Variants in NRXN3 observed in about 807,000 individuals in gnomAD.
NRXN3 encodes the protein neurexin 3.
Under a neutral mutation model 137.6 loss-of-function variants are expected in NRXN3, and 32 were observed. The ratio of observed to expected loss-of-function variants is 0.23; its 90% CI spans 0.18 to 0.31. The LOEUF is 0.31. NRXN3 is among the 10% of genes least tolerant of loss of function. NRXN3 has a pLI of 1.00. For synonymous variants in NRXN3, 798 were observed against 784.5 expected (o/e 1.02, Z -0.29); for missense variants, 1,574 against 2,062.5 (o/e 0.76, Z 4.59).
At chr14:79,188,932 G>A (rs1263107917) in intron 15 of NRXN3, among the ~76,000 whole-genome samples, 3 of 152,156 alleles carry the variant, frequency 2.0e-5, no homozygotes, top group African/African-American at 7.2e-5. Context: ...CTTTTACACT[G>A]TCGGTGGGAC....
At position 78,701,050 on chromosome 14, in the gene NRXN3, G is replaced by A. The variant is rs1189184153; in HGVS notation, c.1222-8167G>A. ...CTCCCAAAGTGTTGGGATTACAGGCGTGAGCCACTGCGCCCGGCCTGGAAA... is the reference window on the plus strand; with the variant it reads ...CTCCCAAAGTGTTGGGATTACAGGCATGAGCCACTGCGCCCGGCCTGGAAA... On this transcript the variant is annotated intron_variant, in intron 6 of 20. Coordinates refer to ENST00000335750, the MANE Select transcript of NRXN3 (RefSeq NM_001330195.2). Among the ~76,000 whole-genome samples the A allele has an allele frequency of 4.6e-5, 7 of 152,210 alleles. No homozygotes were observed. In the East Asian group the frequency reaches 1.2e-3, roughly 25 times the overall value.
intron 15 of NRXN3, among the ~76,000 whole-genome samples, chr14:79,261,646 G>GT (rs1201702364): frequency 2.7e-4 from 30 of 109,394 alleles, no homozygotes; most frequent in South Asian, 1.6e-3. Flanking sequence ...TGTGTGTGAT[G>GT]GGGTGGGGGC....
At chr14:79,414,574 T>C (rs1599928805) in intron 15 of NRXN3, among the ~76,000 whole-genome samples, 1 of 152,168 alleles carries the variant, frequency 6.6e-6, no homozygotes, top group Admixed American at 6.6e-5. Context: ...TACTGAGATA[T>C]AATTGACGAA....
intron 15 of NRXN3, among the ~76,000 whole-genome samples, chr14:79,129,063 T>C (rs973856347): frequency 2.0e-5 from 3 of 152,328 alleles, no homozygotes; most frequent in South Asian, 2.1e-4. Context: ...TTGATTCTTC[T>C]CTCTTTTTTT....
intron 4 of NRXN3, among the ~76,000 whole-genome samples, chr14:78,510,739 A>G (rs429118): frequency 0.016 from 2,360 of 152,242 alleles, 61 homozygotes; most frequent in African/African-American, 0.054. Context: ...GAAGACCTAT[A>G]AGGCTTGCTG....
chr14:78,214,177 G>A (rs1463250882), intron 1 of NRXN3, among the ~76,000 whole-genome samples: 1 of 152,118 alleles, frequency 6.6e-6, no homozygotes, highest in Admixed American at 6.6e-5. Flanking sequence ...TTTCCTCCCT[G>A]TCCCTGTTCC....
chr14:78,719,842 G>T, intron 8 of NRXN3, among the ~76,000 whole-genome samples: 1 of 151,686 alleles, frequency 6.6e-6, no homozygotes, highest in African/African-American at 2.4e-5. Flanking sequence ...TCCGTCTCAA[G>T]AAAAAGAAAA....
chr14:78,532,275 C>T (rs935092394), intron 4 of NRXN3, among the ~76,000 whole-genome samples: 8 of 150,476 alleles, frequency 5.3e-5, no homozygotes, highest in Admixed American at 2.0e-4. Context: ...GAGCCAAGAT[C>T]GCGCCATTGC....
At chr14:79,724,355 T>C (rs781763902) in intron 19 of NRXN3, among the ~76,000 whole-genome samples, 9 of 152,150 alleles carry the variant, frequency 5.9e-5, no homozygotes, top group African/African-American at 1.4e-4. Flanking sequence ...CAACATACTC[T>C]TTGTAACTAG....
intron 19 of NRXN3, among the ~76,000 whole-genome samples, chr14:79,787,859 C>T (rs1239454047): frequency 3.9e-5 from 6 of 151,942 alleles, no homozygotes; most frequent in Non-Finnish European, 7.4e-5. Flanking sequence ...TATTTATGTC[C>T]CTGATACCTC....
At chr14:79,048,152 G>A (rs368071218) in intron 15 of NRXN3, among the ~76,000 whole-genome samples, 1 of 152,122 alleles carries the variant, frequency 6.6e-6, no homozygotes, top group African/African-American at 2.4e-5. Context: ...TTTTTGTGGA[G>A]AGAAAGACAC....
intron 19 of NRXN3, among the ~76,000 whole-genome samples, chr14:79,799,280 A>T (rs2099169851): frequency 6.6e-6 from 1 of 152,198 alleles, no homozygotes. Flanking sequence ...TGTTTTAAAT[A>T]TAGGACTTGG....
chr14:78,833,559 C>A (rs1207639252), intron 10 of NRXN3, among the ~76,000 whole-genome samples: 1 of 152,080 alleles, frequency 6.6e-6, no homozygotes, highest in African/African-American at 2.4e-5. Flanking sequence ...ATAAGAAAAG[C>A]ATCAAAAGAA....
At position 79,623,926 on chromosome 14, in the gene NRXN3, T is replaced by A. The variant is rs201495251; in HGVS notation, c.3445-39852T>A. On this transcript the variant is annotated intron_variant, in intron 16 of 20. Transcript: ENST00000335750. ...TTTCAGTTTTACTGATTGTATTTGT[T>A]AATCATTCTTCTTCCACTACCGTTG... Among the ~76,000 whole-genome samples, 5 of 152,014 alleles carry A rather than the reference T, an allele frequency of 3.3e-5. No individual in the cohort carries two copies. The East Asian group carries it at 9.7e-4, about 29-fold the overall frequency.
At chr14:79,394,532 G>A (rs2094956568) in intron 15 of NRXN3, among the ~76,000 whole-genome samples, 1 of 152,120 alleles carries the variant, frequency 6.6e-6, no homozygotes, top group Non-Finnish European at 1.5e-5. Context: ...CATTGAGATG[G>A]TGTTTACACA....
chr14:78,400,351 C>G (rs1468739190), intron 4 of NRXN3, among the ~76,000 whole-genome samples: 1 of 152,190 alleles, frequency 6.6e-6, no homozygotes, highest in Non-Finnish European at 1.5e-5. Context: ...CTTCCTTTAT[C>G]TGACAGTGTT....
intron 19 of NRXN3, among the ~76,000 whole-genome samples, chr14:79,708,489 G>A (rs1430655242): frequency 7.4e-6 from 1 of 134,288 alleles, no homozygotes; most frequent in African/African-American, 3.0e-5. Context: ...TTAAACTGAG[G>A]TAAGAATTGT....
chr14:79,608,421 G>C (rs2098051339), intron 16 of NRXN3, among the ~76,000 whole-genome samples: 1 of 152,170 alleles, frequency 6.6e-6, no homozygotes. Context: ...ACTTGGCAAG[G>C]CTCTTGGAGG....
At chr14:79,473,629 T>G (rs2096534073) in intron 16 of NRXN3, among the ~76,000 whole-genome samples, 1 of 152,164 alleles carries the variant, frequency 6.6e-6, no homozygotes, top group Non-Finnish European at 1.5e-5. Context: ...TTGAGACTGG[T>G]AACGCAAATA....
Sources: gnomAD v4.1 joint callset for allele counts (sites outside exome capture counted in the v4.1 genomes callset) on GRCh38, gnomAD v4.1.1 for gene constraint, MANE v1.5 for transcripts, NCBI Gene and HGNC (gene_info 2026-07-23, HGNC 2026-07-21) for gene names.